The following SKA2 variants were observed in gnomAD, a reference collection of about 807,000 sequenced individuals.
SKA2 encodes the protein spindle and kinetochore associated complex subunit 2, also known as spindle and kinetochore-associated protein 2.
Under a neutral mutation model 16.9 loss-of-function variants are expected in SKA2, and 13 were observed. The observed-to-expected ratio is 0.77, with a 90% CI of 0.50 to 1.22. The LOEUF (loss-of-function observed/expected upper bound fraction) is 1.22. SKA2 is among the 50% of genes most tolerant of loss of function. The pLI, the probability that SKA2 is intolerant of heterozygous loss-of-function variation, is 0.00. For missense variants in SKA2, 107 were observed against 139.7 expected (o/e 0.77, Z 1.18); for synonymous variants, 47 against 48.5 (o/e 0.97, Z 0.13).
At position 59,110,849 on chromosome 17, in the gene SKA2, A is replaced by G. The variant is rs2046259746; in HGVS notation, c.*1428T>C. The G allele has an allele frequency of 6.6e-6, 1 of 151,948 alleles. No homozygotes were observed. Among genetic ancestry groups the G allele is most frequent in the South Asian group, 2.1e-4 (1 of 4,812 alleles). The allele number at this position is 151,948 out of a possible 1,614,324, so 9.4% of individuals were successfully genotyped here. ...TTGAAATATTCAAACTAGACAGGAC[A>G]ATTTTAACTGAAGCTGTTCTCACAA... On this transcript the variant is annotated 3_prime_UTR_variant, in exon 4 of 4. Coordinates refer to ENST00000330137, the MANE Select transcript of SKA2 (RefSeq NM_182620.4).
intron 1 of SKA2, among the ~76,000 whole-genome samples, chr17:59,148,826 A>AAAG (rs2046554900): frequency 2.7e-5 from 4 of 148,102 alleles, no homozygotes; most frequent in Non-Finnish European, 4.5e-5. Flanking sequence ...AAAAAAAAAA[A>AAAG]AAAAGAAAAG....
At chr17:59,153,625 C>A (rs1568313687) in intron 1 of SKA2, among the ~76,000 whole-genome samples, 1 of 152,150 alleles carries the variant, frequency 6.6e-6, no homozygotes, top group Non-Finnish European at 1.5e-5. Context: ...GATCACCACC[C>A]ATCCTTTCCA....
chr17:59,136,600 G>C (rs1319610673), intron 1 of SKA2, among the ~76,000 whole-genome samples: 3 of 151,882 alleles, frequency 2.0e-5, no homozygotes, highest in African/African-American at 7.3e-5. Context: ...CCAGGCTGGA[G>C]TGCAGTGGCA....
intron 2 of SKA2, among the ~76,000 whole-genome samples, chr17:59,126,000 C>T (rs1022120764): frequency 6.6e-6 from 1 of 151,106 alleles, no homozygotes; most frequent in Non-Finnish European, 1.5e-5. Context: ...TGAAACCCCG[C>T]CTCTACTAAA....
chr17:59,127,449 C>A (rs757348942), intron 2 of SKA2, among the ~76,000 whole-genome samples: 2 of 152,080 alleles, frequency 1.3e-5, no homozygotes, highest in Non-Finnish European at 2.9e-5. Context: ...AGTTCAATGG[C>A]GCAATCTGGA....
At chr17:59,117,600 T>C (rs2046305407) in intron 3 of SKA2, among the ~76,000 whole-genome samples, 1 of 151,850 alleles carries the variant, frequency 6.6e-6, no homozygotes, top group Non-Finnish European at 1.5e-5. Context: ...TTTCTTTTTT[T>C]TTTTGGTAGA....
At chr17:59,123,660 C>T (rs2046352626) in intron 2 of SKA2, among the ~76,000 whole-genome samples, 1 of 152,082 alleles carries the variant, frequency 6.6e-6, no homozygotes, top group African/African-American at 2.4e-5. Context: ...GTGATCCTCC[C>T]ACCTCAGCAT....
intron 3 of SKA2, among the ~76,000 whole-genome samples, chr17:59,117,421 C>G (rs1003573313): frequency 6.6e-6 from 1 of 151,932 alleles, no homozygotes; most frequent in Non-Finnish European, 1.5e-5. Context: ...TTTTGGGGGA[C>G]AGTCTCACCC....
At chr17:59,154,295 G>A (rs936773167) in intron 1 of SKA2, among the ~76,000 whole-genome samples, 2 of 152,182 alleles carry the variant, frequency 1.3e-5, no homozygotes, top group African/African-American at 4.8e-5. Flanking sequence ...CTAAGGATGG[G>A]AGGGAGGGAA....
intron 2 of SKA2, among the ~76,000 whole-genome samples, chr17:59,126,340 C>T (rs373215286): frequency 3.3e-5 from 5 of 152,170 alleles, no homozygotes; most frequent in African/African-American, 1.2e-4. Flanking sequence ...TTACTGACTG[C>T]CTCCAAATCA....
chr17:59,151,043 C>T, intron 1 of SKA2: 1 of 429,374 alleles, frequency 2.3e-6, no homozygotes, highest in East Asian at 7.9e-5. Flanking sequence ...CTGTTAGTAA[C>T]AACATTATAG....
intron 1 of SKA2, among the ~76,000 whole-genome samples, chr17:59,145,989 C>CAA (rs565711811): frequency 1.5e-5 from 2 of 131,224 alleles, no homozygotes; most frequent in African/African-American, 2.8e-5. Flanking sequence ...GACCCTATCT[C>CAA]AAAAAAAAAA....
rs142002223 is a variant in SKA2 at position 59,139,124 on chromosome 17, G to A, written c.34-7757C>T. Among the ~76,000 whole-genome samples, 730 of 152,204 alleles carry A rather than the reference G, an allele frequency of 4.8e-3. 5 individuals carry two copies. The highest frequency in any genetic ancestry group is 8.4e-3 in the Non-Finnish European group (573 of 68,014). ...TTAGAAATGCATTTTCCGGCTGGGC[G>A]CAGTGGCTCACGCCTGTAATCCCAG... On this transcript the variant is annotated intron_variant, in intron 1 of 3. Coordinates refer to ENST00000330137, the MANE Select transcript of SKA2 (RefSeq NM_182620.4).
At chr17:59,155,050 G>A in intron 1 of SKA2, 81 bp downstream of exon 1, 1 of 1,613,998 alleles carries the variant, frequency 6.2e-7, no homozygotes, top group Non-Finnish European at 8.5e-7. Flanking sequence ...GGAGTTTCCG[G>A]CGACTCCAAA....
intron 2 of SKA2, among the ~76,000 whole-genome samples, chr17:59,121,786 GAAAATACA>G (rs2046335893): frequency 1.8e-5 from 1 of 56,586 alleles, no homozygotes; most frequent in Non-Finnish European, 3.2e-5. Flanking sequence ...CCGTCTCTAC[GAAAATACA>G]AAAAAAAAAA....
chr17:59,144,950 C>G (rs2046520839), intron 1 of SKA2, among the ~76,000 whole-genome samples: 1 of 152,142 alleles, frequency 6.6e-6, no homozygotes, highest in South Asian at 2.1e-4. Flanking sequence ...GCACACACCA[C>G]CACACCCAGC....
At chr17:59,128,797 T>C (rs2046389339) in intron 2 of SKA2, among the ~76,000 whole-genome samples, 1 of 152,168 alleles carries the variant, frequency 6.6e-6, no homozygotes, top group Admixed American at 6.6e-5. Context: ...GAGTAGCTAC[T>C]CATGGGTATG....
At chr17:59,118,063 G>A (rs1264730435) in intron 3 of SKA2, 4 of 152,128 alleles carry the variant, frequency 2.6e-5, no homozygotes, top group Admixed American at 1.3e-4. Flanking sequence ...TCAGGAGTTC[G>A]AGACCACCCT....
chr17:59,134,068 C>T lies in SKA2; in HGVS notation c.34-2701G>A, dbSNP rs117341708. Among the ~76,000 whole-genome samples the T allele has an allele frequency of 9.5e-3, 1,451 of 152,278 alleles. 9 individuals are homozygous for T. Among genetic ancestry groups the T allele is most frequent in the Middle Eastern group, 0.017 (5 of 294 alleles). ...CAATAATTACAACTCCTTAAAAATA[C>T]TAATGTTTGTGTCTGTGTGTGTATT... On this transcript the variant is annotated intron_variant, in intron 1 of 3. Transcript: ENST00000330137.
Sources: allele counts gnomAD v4.1 joint callset (sites outside exome capture counted in the v4.1 genomes callset), GRCh38; gene constraint gnomAD v4.1.1; transcripts MANE v1.5; gene names NCBI Gene and HGNC (gene_info 2026-07-23, HGNC 2026-07-21).